The following PCDH11X variants were observed in gnomAD, a reference collection of about 807,000 sequenced individuals.
The protein encoded by PCDH11X is protocadherin 11 X-linked, also known as protocadherin-11 X-linked.
In PCDH11X, 18 loss-of-function variants were observed where a neutral mutation model predicts 53.3. That is an observed-to-expected ratio of 0.34 (90% CI 0.23 to 0.50). The LOEUF is 0.50. PCDH11X is among the 20% of genes least tolerant of loss of function. The pLI, the probability that PCDH11X is intolerant of heterozygous loss-of-function variation, is 0.98. For missense variants in PCDH11X, 570 were observed against 1,032.4 expected (o/e 0.55, Z 6.14); for synonymous variants, 279 against 393.3 (o/e 0.71, Z 3.44).
intron 8 of PCDH11X, among the ~76,000 whole-genome samples, chrX:92,263,470 A>G (rs1207240613): frequency 8.9e-6 from 1 of 112,185 alleles, no homozygotes; most frequent in Non-Finnish European, 1.9e-5. Flanking sequence ...AAAAAAAGGA[A>G]CAATTTTAGT....
chrX:92,086,791 C>T (rs1291013407), intron 6 of PCDH11X, among the ~76,000 whole-genome samples: 4 of 110,144 alleles, frequency 3.6e-5, no homozygotes, highest in Admixed American at 9.8e-5. Flanking sequence ...TGAGGGGAGA[C>T]GAAAAGGCAC....
chrX:91,832,468 G>T (rs771312513), intron 4 of PCDH11X, among the ~76,000 whole-genome samples: 1 of 86,156 alleles, frequency 1.2e-5, no homozygotes, highest in African/African-American at 4.3e-5. Context: ...ACAGGGTGGG[G>T]AACATCACAC....
intron 5 of PCDH11X, among the ~76,000 whole-genome samples, chrX:91,856,195 GT>G (rs1347578654): frequency 1.1e-5 from 1 of 90,831 alleles, no homozygotes; most frequent in Admixed American, 1.3e-4. Flanking sequence ...TTTTTTGAGA[GT>G]TTTTGTCATG....
intron 6 of PCDH11X, among the ~76,000 whole-genome samples, chrX:91,901,636 G>C (rs1237142455): frequency 4.1e-4 from 46 of 110,925 alleles, no homozygotes; most frequent in African/African-American, 1.4e-3. Flanking sequence ...TTTAATATTA[G>C]ACATTTTACT....
chrX:92,111,397 G>A (rs2064508217), intron 6 of PCDH11X, among the ~76,000 whole-genome samples: 1 of 109,455 alleles, frequency 9.1e-6, no homozygotes, highest in African/African-American at 3.3e-5. Context: ...TGAAAATGTA[G>A]TTGCCCCTCT....
At chrX:92,346,127 G>A (rs1317629983) in intron 8 of PCDH11X, among the ~76,000 whole-genome samples, 1 of 110,395 alleles carries the variant, frequency 9.1e-6, no homozygotes, top group Non-Finnish European at 1.9e-5. Context: ...ATGCTATATT[G>A]GCAATGAATT....
chrX:92,243,259 T>G (rs1201496043), intron 7 of PCDH11X, among the ~76,000 whole-genome samples: 1 of 112,226 alleles, frequency 8.9e-6, no homozygotes. Flanking sequence ...ATTTTTGAAT[T>G]AAATTTTAAA....
At chrX:92,016,077 C>T (rs762803655) in intron 6 of PCDH11X, among the ~76,000 whole-genome samples, 1 of 112,665 alleles carries the variant, frequency 8.9e-6, no homozygotes, top group South Asian at 3.7e-4. Context: ...GTTGGGCGAC[C>T]AGTTGCATTG....
chrX:92,560,583 C>T lies in PCDH11X; in HGVS notation c.3368-57681C>T, dbSNP rs769107885. Reference sequence around the variant, plus strand: ...AGACCACTGCCCTGAAGACTGAGTGCTAGACCTGACAGCAGTCACCACAAG... The same window carrying T: ...AGACCACTGCCCTGAAGACTGAGTGTTAGACCTGACAGCAGTCACCACAAG... On this transcript the variant is annotated intron_variant, in intron 10 of 10. Transcript: ENST00000682573. Among the ~76,000 whole-genome samples, 287 of 108,260 alleles carry T rather than the reference C, an allele frequency of 2.7e-3. 1 individual carries two copies. Among genetic ancestry groups the T allele is most frequent in the African/African-American group, 9.4e-3 (274 of 29,202 alleles). 94.0% of individuals were successfully genotyped at this position (108,260 alleles called of 115,157 possible).
At chrX:92,025,881 A>G (rs1383047635) in intron 6 of PCDH11X, among the ~76,000 whole-genome samples, 1 of 109,973 alleles carries the variant, frequency 9.1e-6, no homozygotes. Context: ...ACCATAAAAA[A>G]GAAGGAGCTC....
At chrX:92,471,700 G>A (rs1181068887) in intron 10 of PCDH11X, among the ~76,000 whole-genome samples, 1 of 106,002 alleles carries the variant, frequency 9.4e-6, no homozygotes, top group Non-Finnish European at 2.0e-5. Context: ...GTCTTCCACA[G>A]TGGCTGAAAT....
intron 10 of PCDH11X, among the ~76,000 whole-genome samples, chrX:92,516,911 GGC>G (rs1477801764): frequency 8.9e-6 from 1 of 112,290 alleles, no homozygotes; most frequent in East Asian, 2.8e-4. Flanking sequence ...GGACTGACCT[GGC>G]AAGAGAAATG....
chrX:92,603,296 T>G (rs1023714161), intron 10 of PCDH11X, among the ~76,000 whole-genome samples: 2 of 108,821 alleles, frequency 1.8e-5, no homozygotes, highest in Non-Finnish European at 3.8e-5. Flanking sequence ...TATCTGACAA[T>G]GTTTGCCTTG....
At position 91,907,412 on chromosome X, in the gene PCDH11X, C is replaced by CACAGAGAGAGAG. The variant is rs756926383; in HGVS notation, c.3033+28140_3033+28141insCAGAGAGAGAGA. Among the ~76,000 whole-genome samples, 128 of 57,494 alleles carry CACAGAGAGAGAG rather than the reference C, an allele frequency of 2.2e-3. 4 individuals carry two copies. Among genetic ancestry groups the CACAGAGAGAGAG allele is most frequent in the South Asian group, 7.8e-3 (7 of 900 alleles). The allele number at this position is 57,494 out of a possible 115,157, so 49.9% of individuals were successfully genotyped here. On this transcript the variant is annotated intron_variant, in intron 6 of 10. Transcript: ENST00000682573. ...ACACACACACACACACACACACACA[C>CACAGAGAGAGAG]AGAGAGAGAGAGAGAGAGAGAGAGA...
At chrX:91,824,379 T>G (rs1446023124) in intron 4 of PCDH11X, among the ~76,000 whole-genome samples, 3 of 110,371 alleles carry the variant, frequency 2.7e-5, no homozygotes, top group African/African-American at 1.0e-4. Flanking sequence ...TGTTTCTTTT[T>G]ATTCTTTTTT....
At chrX:92,137,748 T>C (rs1310692253) in intron 6 of PCDH11X, among the ~76,000 whole-genome samples, 2 of 109,400 alleles carry the variant, frequency 1.8e-5, no homozygotes, top group Admixed American at 1.0e-4. Flanking sequence ...TCTTTCTGTA[T>C]CAAAAGATTT....
intron 6 of PCDH11X, among the ~76,000 whole-genome samples, chrX:92,068,733 T>A (rs1385602724): frequency 2.0e-4 from 22 of 109,055 alleles, no homozygotes; most frequent in Non-Finnish European, 2.7e-4. Context: ...AGAGACGGGG[T>A]TTTACCATGT....
At chrX:92,014,434 G>T (rs2062752859) in intron 6 of PCDH11X, among the ~76,000 whole-genome samples, 1 of 109,182 alleles carries the variant, frequency 9.2e-6, no homozygotes, top group East Asian at 2.9e-4. Flanking sequence ...TACACTGTTG[G>T]TGGGACTGTA....
intron 6 of PCDH11X, among the ~76,000 whole-genome samples, chrX:91,917,946 A>G (rs1202138061): frequency 9.7e-6 from 1 of 103,525 alleles, no homozygotes; most frequent in East Asian, 3.1e-4. Context: ...GGCTATAGTT[A>G]CCAAAACAGC....
Sources: allele counts gnomAD v4.1 joint callset (sites outside exome capture counted in the v4.1 genomes callset), GRCh38; gene constraint gnomAD v4.1.1; transcripts MANE v1.5; gene names NCBI Gene and HGNC (gene_info 2026-07-23, HGNC 2026-07-21).